OR2L13: variants seen among roughly 807,000 people sequenced by gnomAD.
OR2L13 encodes olfactory receptor 2L13.
In OR2L13, 14 loss-of-function variants were observed where a neutral mutation model predicts 15.3. The observed-to-expected ratio is 0.91, with a 90% CI of 0.60 to 1.43. The LOEUF is 1.43. Ranked by LOEUF, OR2L13 falls within the 40% of genes most tolerant of loss-of-function variation. OR2L13 has a pLI of 0.00. For missense variants in OR2L13, 367 were observed against 387.9 expected, an observed-to-expected ratio of 0.95 and a Z score of 0.45; for synonymous variants, 152 against 142.9, an observed-to-expected ratio of 1.06 and a Z score of -0.45.
the OR2L13 span, among the ~76,000 whole-genome samples, chr1:247,991,639 C>T: frequency 6.7e-6 from 1 of 149,282 alleles, no homozygotes; most frequent in African/African-American, 2.5e-5. Context: ...ACAACACACT[C>T]AATGTTTCCC....
At chr1:247,987,868 C>A in the OR2L13 span, among the ~76,000 whole-genome samples, 3 of 152,142 alleles carry the variant, frequency 2.0e-5, no homozygotes, top group African/African-American at 7.2e-5. Flanking sequence ...TTGACAACAT[C>A]ATCTCATCTG....
At chr1:248,056,547 G>A in the OR2L13 span, among the ~76,000 whole-genome samples, 1 of 151,910 alleles carries the variant, frequency 6.6e-6, no homozygotes, top group African/African-American at 2.4e-5. Flanking sequence ...ATTCTGATGA[G>A]TTGTCTCTTT....
At chr1:248,072,789 A>C in the OR2L13 span, among the ~76,000 whole-genome samples, 16 of 152,282 alleles carry the variant, frequency 1.1e-4, no homozygotes, top group African/African-American at 3.4e-4. Context: ...AGAAAAAAAA[A>C]ACAACCCCAT....
chr1:248,022,626 A>G, the OR2L13 span: 14 of 1,614,106 alleles, frequency 8.7e-6, no homozygotes, highest in Non-Finnish European at 1.2e-5. Context: ...TGTCTACCGC[A>G]TGCACTCTGC....
chr1:247,965,237 C>G, the OR2L13 span: 1 of 1,025,788 alleles, frequency 9.7e-7, no homozygotes, highest in Non-Finnish European at 1.4e-6. Context: ...ACTTTGTGCT[C>G]TAAACATGTA....
chr1:248,007,131 G>A, the OR2L13 span, among the ~76,000 whole-genome samples: 3 of 152,160 alleles, frequency 2.0e-5, no homozygotes, highest in Admixed American at 6.5e-5. Context: ...TTTCTGTGAT[G>A]TACCATGGCC....
At chr1:247,946,421 C>T in the OR2L13 span, among the ~76,000 whole-genome samples, 1 of 152,082 alleles carries the variant, frequency 6.6e-6, no homozygotes, top group African/African-American at 2.4e-5. Flanking sequence ...CTAAAAGCTG[C>T]CAGTCCTTCA....
At chr1:248,090,129 C>A in the OR2L13 span, among the ~76,000 whole-genome samples, 4 of 152,086 alleles carry the variant, frequency 2.6e-5, no homozygotes, top group Non-Finnish European at 5.9e-5. Context: ...TAATAAATTC[C>A]TCCCTTTCTC....
chr1:247,969,615 C>T, the OR2L13 span, among the ~76,000 whole-genome samples: 102 of 152,244 alleles, frequency 6.7e-4, no homozygotes, highest in African/African-American at 2.4e-3. Flanking sequence ...CTGATGTTAG[C>T]AGTATATTAG....
chr1:248,038,329 G>T, the OR2L13 span: 1 of 1,613,690 alleles, frequency 6.2e-7, no homozygotes, highest in Non-Finnish European at 8.5e-7. Context: ...CCACAATCAA[G>T]AATTGGCCTT....
chr1:248,081,063 C>A, the OR2L13 span, among the ~76,000 whole-genome samples: 5 of 151,964 alleles, frequency 3.3e-5, no homozygotes, highest in African/African-American at 9.7e-5. Context: ...AATGGGAAAT[C>A]ACTAAAAGCT....
At chr1:247,996,700 G>A in the OR2L13 span, among the ~76,000 whole-genome samples, 12 of 152,040 alleles carry the variant, frequency 7.9e-5, no homozygotes, top group African/African-American at 2.4e-4. Flanking sequence ...AAATTCCCTT[G>A]AAGTCTGTCT....
chr1:248,065,338 G>A, the OR2L13 span, among the ~76,000 whole-genome samples: 1 of 151,758 alleles, frequency 6.6e-6, no homozygotes, highest in African/African-American at 2.4e-5. Context: ...AATTTCTTAA[G>A]TATTAAATTA....
chr1:247,964,702 G>A, the OR2L13 span, among the ~76,000 whole-genome samples: 4 of 151,546 alleles, frequency 2.6e-5, no homozygotes, highest in East Asian at 7.7e-4. Flanking sequence ...GAGTAATGCT[G>A]CTATGAATTT....
the OR2L13 span, among the ~76,000 whole-genome samples, chr1:247,986,916 C>T: frequency 6.6e-6 from 1 of 152,096 alleles, no homozygotes; most frequent in African/African-American, 2.4e-5. Context: ...CAGTGTTAAG[C>T]CTTCTAATCT....
chr1:248,015,927 C>T, the OR2L13 span, among the ~76,000 whole-genome samples: 2 of 152,020 alleles, frequency 1.3e-5, no homozygotes, highest in South Asian at 2.1e-4. Flanking sequence ...CAGTGAGTGC[C>T]CCAAGGGAAA....
chr1:248,038,931 C>A, the OR2L13 span: 351 of 1,614,028 alleles, frequency 2.2e-4, no homozygotes, highest in Admixed American at 1.0e-4. Context: ...CCGGGTTCTC[C>A]TTGCTGTCTA....
the OR2L13 span, among the ~76,000 whole-genome samples, chr1:247,938,226 T>G: frequency 6.6e-6 from 1 of 152,254 alleles, no homozygotes; most frequent in East Asian, 1.9e-4. Flanking sequence ...TTTATTTCAG[T>G]AGAGAATGAG....
the OR2L13 span, among the ~76,000 whole-genome samples, chr1:247,966,999 T>C: frequency 4.0e-4 from 61 of 151,060 alleles, no homozygotes; most frequent in Non-Finnish European, 7.1e-4. Context: ...GTGACTCTTT[T>C]CCTTCTGCAC....
Sources: gnomAD v4.1 joint callset for allele counts (sites outside exome capture counted in the v4.1 genomes callset) on GRCh38, gnomAD v4.1.1 for gene constraint, MANE v1.5 for transcripts, NCBI Gene and HGNC (gene_info 2026-07-23, HGNC 2026-07-21) for gene names.